Variants in FBL observed in about 807,000 individuals in gnomAD.
FBL encodes the protein rRNA 2'-O-methyltransferase fibrillarin.
FBL carries 10 observed loss-of-function variants against 42.2 expected under a neutral mutation model. That is an observed-to-expected ratio of 0.24 (90% CI 0.15 to 0.40). FBL has a LOEUF of 0.40. FBL is among the 10% of genes least tolerant of loss of function. The pLI is 1.00. For synonymous variants in FBL, 165 were observed against 165.4 expected, an observed-to-expected ratio of 1.00 and a Z score of 0.02; for missense variants, 351 against 439.2, an observed-to-expected ratio of 0.80 and a Z score of 1.79.
intron 1 of FBL, among the ~76,000 whole-genome samples, chr19:39,844,457 G>C (rs1028301325): frequency 6.8e-5 from 10 of 148,124 alleles, no homozygotes; most frequent in Non-Finnish European, 1.2e-4. Context: ...AACTTTTCCA[G>C]TAAGTTCTTT....
chr19:39,840,541 A>G lies in FBL; in HGVS notation c.182-26T>C. ...CTATAAAGGAGAGGTACAACAGGAG[A>G]GAAAGATCCTGAATCTCCGCCCTCC... On this transcript the variant is annotated intron_variant, in intron 2 of 8. Coordinates refer to ENST00000221801, the MANE Select transcript of FBL (RefSeq NM_001436.4). This position sits in a 1 kb window ranked among gnomAD's most constrained non-coding sequence, Gnocchi z 4.5. The G allele has an allele frequency of 6.2e-7, 1 of 1,613,712 alleles. No individual in the cohort carries two copies.
chr19:39,838,881 G>T (rs1969102775), intron 5 of FBL, 154 bp downstream of exon 5: 2 of 692,906 alleles, frequency 2.9e-6, no homozygotes, highest in Admixed American at 5.6e-5. Flanking sequence ...ACATTATCTG[G>T]TTCAAGCCAC....
intron 1 of FBL, among the ~76,000 whole-genome samples, chr19:39,842,632 A>C (rs1305275763): frequency 6.6e-6 from 1 of 152,214 alleles, no homozygotes; most frequent in Non-Finnish European, 1.5e-5. Context: ...AGCAAGTAAG[A>C]TCTCATCATG....
In FBL at chr19:39,840,903, G is replaced by A. The variant is rs1969153586; in HGVS notation, c.11-116C>T. Reference sequence around the variant, plus strand: ...GAAATACATGTGCCCGTGTACAGCAGGACACATTTCCAAGAATGTCCACAG... The same window carrying A: ...GAAATACATGTGCCCGTGTACAGCAAGACACATTTCCAAGAATGTCCACAG... On this transcript the variant is annotated intron_variant, in intron 1 of 8. Transcript: ENST00000221801. The surrounding 1 kb of genome is among the most constrained non-coding windows in gnomAD (Gnocchi z 4.5). The A allele has an allele frequency of 2.0e-6, 2 of 991,606 alleles. No homozygotes were observed. The highest frequency in any genetic ancestry group is 6.5e-5 in the Admixed American group (2 of 30,804). 61.4% of individuals were successfully genotyped at this position (991,606 alleles called of 1,614,324 possible).
At chr19:39,844,228 G>C (rs537085825) in intron 1 of FBL, among the ~76,000 whole-genome samples, 1 of 152,260 alleles carries the variant, frequency 6.6e-6, no homozygotes, top group East Asian at 1.9e-4. Flanking sequence ...CCAAAGCCAA[G>C]ACCTTCATTT....
intron 1 of FBL, among the ~76,000 whole-genome samples, chr19:39,842,583 A>G (rs1969182199): frequency 6.6e-6 from 1 of 152,150 alleles, no homozygotes; most frequent in African/African-American, 2.4e-5. Flanking sequence ...TCTACAGTCC[A>G]CTTTTCACAC....
Position 39,840,923 on chromosome 19 carries a change from C to T in FBL, c.11-136G>A. The T allele has an allele frequency of 1.2e-6, 1 of 815,364 alleles. No homozygotes were observed. Among genetic ancestry groups the T allele is most frequent in the Non-Finnish European group, 1.8e-6 (1 of 558,186 alleles). 50.5% of individuals were successfully genotyped at this position (815,364 alleles called of 1,614,324 possible). A position where few individuals can be genotyped will look rare whatever the true frequency, so the allele number is the denominator to read the frequency against. On this transcript the variant is annotated intron_variant, in intron 1 of 8. Coordinates refer to ENST00000221801, the MANE Select transcript of FBL (RefSeq NM_001436.4). The surrounding 1 kb of genome is among the most constrained non-coding windows in gnomAD (Gnocchi z 4.5). ...CAGCAGGACACATTTCCAAGAATGT[C>T]CACAGCAAAAGAAAAGTGAAGACTA... is the stretch of plus-strand genomic sequence containing the variant.
chr19:39,834,854 G>T (rs1240211153), intron 7 of FBL, 41 bp from the exon 8 acceptor site: 2 of 1,608,964 alleles, frequency 1.2e-6, no homozygotes, highest in Admixed American at 1.7e-5. Context: ...CAGGGCTTTG[G>T]GCTGTTTTTC....
At chr19:39,838,891 C>T (rs1969103117) in intron 5 of FBL, 144 bp downstream of exon 5, 2 of 730,784 alleles carry the variant, frequency 2.7e-6, no homozygotes, top group Admixed American at 2.6e-5. Flanking sequence ...GTTCAAGCCA[C>T]TCCTTTTACT....
chr19:39,840,689 C>G lies in FBL; in HGVS notation c.109G>C (p.Gly37Arg), dbSNP rs1181250400. ...CGTCCACGACCTCTAAAGCCTCCGC[C>G]TCGACCTCGGCCCCCGCCAAAGCCC... Reference protein sequence around the residue: ...RGGFGGGRGRGGGFRGRGRGG... With the variant: ...RGGFGGGRGRRGGFRGRGRGG... The change falls in exon 2 of 9, where the codon GGC becomes CGC. Residue 37 changes from glycine (G) to arginine (R), a missense_variant. By Grantham distance (125) the Gly-to-Arg change is moderately radical. Transcript: ENST00000221801. This position sits in a 1 kb window ranked among gnomAD's most constrained non-coding sequence, Gnocchi z 4.5. 5 of 1,594,204 alleles carry G rather than the reference C, an allele frequency of 3.1e-6. No individual in the cohort carries two copies. The highest frequency in any genetic ancestry group is 4.3e-6 in the Non-Finnish European group (5 of 1,170,752).
At chr19:39,843,489 G>A (rs965178360) in intron 1 of FBL, among the ~76,000 whole-genome samples, 4 of 152,202 alleles carry the variant, frequency 2.6e-5, no homozygotes, top group Admixed American at 2.0e-4. Context: ...ACAGTGCCAG[G>A]CCACGCGCCA....
Position 39,834,833 on chromosome 19 carries a change from AATGTCTACAACAGGGCTTTGG to A in FBL, c.796-41_796-21del, listed in dbSNP as rs1383332869. ...GTTGGCCTAAAGAGGAGAAAGGACT[AATGTCTACAACAGGGCTTTGG>A]GCTGTTTTTCTCTTGTGTGCTCTTT... is the stretch of plus-strand genomic sequence containing the variant. On this transcript the variant is annotated intron_variant, in intron 7 of 8. Transcript: ENST00000221801. 2.5e-6 allele frequency: 4 copies of A among 1,614,012 alleles called. No homozygotes were observed. The highest frequency in any genetic ancestry group is 3.4e-6 in the Non-Finnish European group (4 of 1,179,868).
At chr19:39,837,013 G>A (rs1046796785) in intron 6 of FBL, among the ~76,000 whole-genome samples, 2 of 152,236 alleles carry the variant, frequency 1.3e-5, no homozygotes, top group East Asian at 3.8e-4. Flanking sequence ...AGACAAGTAA[G>A]AGTGAGTGAG....
Position 39,839,107 on chromosome 19 carries a change from C to T in FBL, c.477G>A (p.Pro159=), listed in dbSNP as rs150137200. The T allele has an allele frequency of 3.6e-4, 583 of 1,614,134 alleles. 5 individuals carry two copies. In the African/African-American group the frequency reaches 6.1e-3, roughly 17 times the overall value. The change falls in exon 5 of 9, where the codon CCG becomes CCA. Residue 159 remains proline, a synonymous_variant. Transcript: ENST00000221801. The stretch of plus-strand genomic sequence containing the variant: ...CCCCGAGGTAGAGAACCTTAGCCCC[C>T]GGTTTGATGTGGATCTGGTCCACAC... ...LGGVDQIHIK[P]GAKVLYLGAA... is the part of the protein sequence containing the mutation.
At position 39,844,891 on chromosome 19, in the gene FBL, C is replaced by T. The variant is rs976522354; in HGVS notation, c.10+1400G>A. Among the ~76,000 whole-genome samples the T allele has an allele frequency of 3.3e-5, 5 of 152,178 alleles. 1 individual carries two copies. The highest frequency in any genetic ancestry group is 1.2e-4 in the African/African-American group (5 of 41,438). On this transcript the variant is annotated intron_variant, in intron 1 of 8. Coordinates refer to ENST00000221801, the MANE Select transcript of FBL (RefSeq NM_001436.4). ...TTACTAAAGAGCTAACACCTGACAA[C>T]TTTTACAACTTCACATTCTACCACA...
chr19:39,840,454 C>T lies in FBL; in HGVS notation c.243G>A (p.Gln81=), dbSNP rs1430136461. The T allele has an allele frequency of 6.2e-7, 1 of 1,614,150 alleles. No homozygotes were observed. The highest frequency in any genetic ancestry group is 1.7e-5 in the Admixed American group (1 of 60,022). ...GRGRGGKRGN[Q]SGKNVMVEPH... ...GCTCCACCATCACATTCTTCCCCGA[C>T]TGGTTTCCTCTTTTTCCTCCCCGAC... is the stretch of plus-strand genomic sequence containing the variant. Residue 81 remains glutamine (Q), a synonymous_variant, in exon 3 of 9, where the codon CAG becomes CAA. Transcript: ENST00000221801. This position sits in a 1 kb window ranked among gnomAD's most constrained non-coding sequence, Gnocchi z 4.5.
chr19:39,845,251 A>C (rs1163132954), intron 1 of FBL, among the ~76,000 whole-genome samples: 3 of 152,156 alleles, frequency 2.0e-5, no homozygotes, highest in East Asian at 1.9e-4. Context: ...TGGGCAGGCC[A>C]GATGGAGGAA....
At chr19:39,837,577 C>T (rs1055818954) in intron 6 of FBL, 134 bp downstream of exon 6, 14 of 818,138 alleles carry the variant, frequency 1.7e-5, no homozygotes, top group Non-Finnish European at 2.0e-5. Context: ...CTCCCCTTAC[C>T]CCTTTCTATT....
Position 39,840,172 on chromosome 19 carries a change from A to G in FBL, c.378+61T>C. On this transcript the variant is annotated intron_variant, in intron 4 of 8. Coordinates refer to ENST00000221801, the MANE Select transcript of FBL (RefSeq NM_001436.4). This position sits in a 1 kb window ranked among gnomAD's most constrained non-coding sequence, Gnocchi z 4.5. ...CAGGACACATGGTGAGGGCAGACACAGACTACTGGCTACACCCTCAGCTGC... is the reference window on the plus strand; with the variant it reads ...CAGGACACATGGTGAGGGCAGACACGGACTACTGGCTACACCCTCAGCTGC... 1 of 1,162,680 alleles carries G rather than the reference A, an allele frequency of 8.6e-7. No homozygotes were observed. Among genetic ancestry groups the G allele is most frequent in the Non-Finnish European group, 1.3e-6 (1 of 770,906 alleles). 72.0% of individuals were successfully genotyped at this position (1,162,680 alleles called of 1,614,324 possible).
Sources: gnomAD v4.1 joint callset for allele counts (sites outside exome capture counted in the v4.1 genomes callset) on GRCh38, gnomAD v4.1.1 for gene constraint, Gnocchi (gnomAD v3.1) non-coding constraint, MANE v1.5 for transcripts, NCBI Gene and HGNC (gene_info 2026-07-23, HGNC 2026-07-21) for gene names.